The following SGCD variants were observed in gnomAD, a reference collection of about 807,000 sequenced individuals.
SGCD encodes delta-sarcoglycan.
In SGCD, 18 loss-of-function variants were observed where a neutral mutation model predicts 36.6. The ratio of observed to expected loss-of-function variants is 0.49; its 90% CI spans 0.34 to 0.73. The LOEUF is 0.73. SGCD is among the 30% of genes least tolerant of loss of function. The pLI is 0.01. For synonymous variants in SGCD, 133 were observed against 130.6 expected (o/e 1.02, Z -0.12); for missense variants, 387 against 346.7 (o/e 1.12, Z -0.92).
chr5:155,750,370 T>A, the SGCD span, among the ~76,000 whole-genome samples: 1 of 152,194 alleles, frequency 6.6e-6, no homozygotes, highest in Admixed American at 6.5e-5. Flanking sequence ...TGTCATTCCA[T>A]AGGGGAGAGA....
At chr5:156,278,892 T>C (rs781191993) in intron 3 of SGCD, among the ~76,000 whole-genome samples, 4 of 152,206 alleles carry the variant, frequency 2.6e-5, no homozygotes, top group Admixed American at 1.3e-4. Context: ...GATTATCAAG[T>C]ATTTCTATTC....
At chr5:156,259,387 A>G (rs927565971) in intron 3 of SGCD, among the ~76,000 whole-genome samples, 2 of 151,722 alleles carry the variant, frequency 1.3e-5, no homozygotes, top group Non-Finnish European at 2.9e-5. Flanking sequence ...CTATAAATAT[A>G]TATTTTTTCT....
intron 3 of SGCD, among the ~76,000 whole-genome samples, chr5:156,400,098 C>T (rs1772064055): frequency 6.6e-6 from 1 of 152,108 alleles, no homozygotes; most frequent in South Asian, 2.1e-4. Flanking sequence ...TGAACCACTC[C>T]TGTGGTAATA....
the SGCD span, among the ~76,000 whole-genome samples, chr5:155,849,446 G>GCGCACA: frequency 4.5e-4 from 67 of 149,832 alleles, no homozygotes; most frequent in African/African-American, 1.6e-3. Context: ...ATGTGCGCGC[G>GCGCACA]CACACACACA....
At chr5:156,449,019 GC>G (rs1427457831) in intron 3 of SGCD, among the ~76,000 whole-genome samples, 1 of 152,058 alleles carries the variant, frequency 6.6e-6, no homozygotes, top group Non-Finnish European at 1.5e-5. Context: ...TTCCCAAAGT[GC>G]TGGGATTACA....
chr5:155,879,903 A>T (rs1755846047), intron 1 of SGCD, among the ~76,000 whole-genome samples: 1 of 152,160 alleles, frequency 6.6e-6, no homozygotes, highest in South Asian at 2.1e-4. Context: ...AGATCTTAGT[A>T]TCTTATGTTG....
intron 6 of SGCD, among the ~76,000 whole-genome samples, chr5:156,646,835 T>C (rs1485702193): frequency 6.6e-6 from 1 of 152,198 alleles, no homozygotes; most frequent in Non-Finnish European, 1.5e-5. Context: ...GTTGTAAAGA[T>C]AAAAGCTTAT....
chr5:156,370,254 A>T (rs935989827), intron 3 of SGCD, among the ~76,000 whole-genome samples: 1 of 152,202 alleles, frequency 6.6e-6, no homozygotes, highest in Non-Finnish European at 1.5e-5. Context: ...TGATGAAAAA[A>T]CAGAGTGCCA....
chr5:156,107,926 A>G (rs1174950526), intron 1 of SGCD, among the ~76,000 whole-genome samples: 3 of 152,178 alleles, frequency 2.0e-5, no homozygotes, highest in African/African-American at 7.2e-5. Flanking sequence ...GGGAATGAAC[A>G]CAGTTGCCTC....
chr5:156,518,424 A>G (rs181493367), intron 4 of SGCD, among the ~76,000 whole-genome samples: 1 of 152,192 alleles, frequency 6.6e-6, no homozygotes, highest in African/African-American at 2.4e-5. Flanking sequence ...TATTAGACGG[A>G]TCATCAACAC....
intron 1 of SGCD, among the ~76,000 whole-genome samples, chr5:155,996,778 CAA>C (rs777241846): frequency 2.1e-4 from 13 of 61,438 alleles, no homozygotes; most frequent in Non-Finnish European, 2.8e-4. Flanking sequence ...GACTCTGTTT[CAA>C]AAAAAAAAAA....
At chr5:156,508,746 A>T in intron 4 of SGCD, 44 bp downstream of exon 4, 1 of 1,157,252 alleles carries the variant, frequency 8.6e-7, no homozygotes, top group Non-Finnish European at 1.3e-6. Flanking sequence ...TTGCTCTAGA[A>T]TCTAAATCTG....
chr5:155,935,959 C>T lies in SGCD; in HGVS notation c.-282+65535C>T, dbSNP rs373359579. Among the ~76,000 whole-genome samples the T allele has an allele frequency of 2.7e-4, 41 of 152,294 alleles. No homozygotes were observed. The Middle Eastern group carries it at 0.01, about 38-fold the overall frequency. ...CAGGGCAGATAGCTCCAGGCACCAG[C>T]ACAGGTGCTGGCTCCCTGTGAGGCT... On this transcript the variant is annotated intron_variant, in intron 1 of 9. Coordinates refer to the SGCD transcript ENST00000517913.
At chr5:156,505,803 A>T (rs201940462) in intron 3 of SGCD, among the ~76,000 whole-genome samples, 2 of 143,188 alleles carry the variant, frequency 1.4e-5, no homozygotes, top group African/African-American at 2.6e-5. Context: ...ACACACACAC[A>T]CCCCTACCCC....
chr5:156,095,778 C>T (rs1444665570), intron 1 of SGCD, among the ~76,000 whole-genome samples: 1 of 152,136 alleles, frequency 6.6e-6, no homozygotes, highest in African/African-American at 2.4e-5. Context: ...GTAAAGAGTC[C>T]CACAGCCTTG....
intron 7 of SGCD, among the ~76,000 whole-genome samples, chr5:156,679,224 A>G (rs1753630596): frequency 1.3e-5 from 2 of 152,128 alleles, no homozygotes; most frequent in Non-Finnish European, 2.9e-5. Context: ...TTTCATGATC[A>G]CCTCTGACTT....
intron 1 of SGCD, among the ~76,000 whole-genome samples, chr5:155,937,236 G>T (rs9313616): frequency 0.014 from 2,144 of 152,240 alleles, 63 homozygotes; most frequent in African/African-American, 0.047. Flanking sequence ...GCTCCCACTG[G>T]CTCCATAGAG....
chr5:155,741,979 C>G, the SGCD span, among the ~76,000 whole-genome samples: 1 of 152,200 alleles, frequency 6.6e-6, no homozygotes, highest in Non-Finnish European at 1.5e-5. Flanking sequence ...GCCACTGTGC[C>G]TGGCCACCAG....
At chr5:156,730,379 C>T (rs1755995616) in intron 7 of SGCD, among the ~76,000 whole-genome samples, 1 of 152,162 alleles carries the variant, frequency 6.6e-6, no homozygotes, top group African/African-American at 2.4e-5. Context: ...TCTATCCTCT[C>T]ACCCTGCCAA....
Sources: allele counts gnomAD v4.1 joint callset (sites outside exome capture counted in the v4.1 genomes callset), GRCh38; gene constraint gnomAD v4.1.1; transcripts MANE v1.5; gene names NCBI Gene and HGNC (gene_info 2026-07-23, HGNC 2026-07-21).